BBS2: variants seen among roughly 807,000 people sequenced by gnomAD.
BBS2 encodes the protein Bardet-Biedl syndrome 2.
A neutral mutation model predicts 83.0 loss-of-function variants in BBS2; 62 were observed. The ratio of observed to expected loss-of-function variants is 0.75; its 90% CI spans 0.61 to 0.92. The LOEUF is 0.92. Ranked by LOEUF, BBS2 falls within the 40% of genes least tolerant of loss-of-function variation. The pLI, the probability that BBS2 is intolerant of heterozygous loss-of-function variation, is 0.00. For missense variants in BBS2, 784 were observed against 901.0 expected (o/e 0.87, Z 1.66); for synonymous variants, 303 against 326.1 (o/e 0.93, Z 0.76).
Position 56,502,488 on chromosome 16 carries a change from C to T in BBS2, c.941-32G>A, listed in dbSNP as rs576238339. ...AGAAGGAAAAAACCGCAAGTATAACCAGGTATACTTTTAGGTCATCAATTA... is the reference window on the plus strand; with the variant it reads ...AGAAGGAAAAAACCGCAAGTATAACTAGGTATACTTTTAGGTCATCAATTA... On this transcript the variant is annotated intron_variant, in intron 8 of 16. Coordinates refer to ENST00000245157, the MANE Select transcript of BBS2 (RefSeq NM_031885.5). The T allele has an allele frequency of 1.9e-6, 3 of 1,613,952 alleles. No homozygotes were observed. In the East Asian group the frequency reaches 6.7e-5, roughly 36 times the overall value.
chr16:56,497,719 A>T, intron 14 of BBS2, 24 bp downstream of exon 14: 3 of 1,612,392 alleles, frequency 1.9e-6, no homozygotes, highest in Non-Finnish European at 1.7e-6. Context: ...CATTCTCACA[A>T]ATGCATCTAC....
At chr16:56,507,122 A>G (rs1215813995) in intron 5 of BBS2, among the ~76,000 whole-genome samples, 4 of 152,214 alleles carry the variant, frequency 2.6e-5, no homozygotes, top group African/African-American at 9.6e-5. Flanking sequence ...TCTTCTGACA[A>G]TACTTCATAC....
chr16:56,499,719 A>G, intron 12 of BBS2, 59 bp downstream of exon 12: 2 of 1,608,468 alleles, frequency 1.2e-6, no homozygotes, highest in South Asian at 1.1e-5. Context: ...TTTCTATGAA[A>G]TAACATCTAA....
chr16:56,477,129 CAAAAAAAAAAAAGAA>C, intron 17 of BBS2: 1 of 140,012 alleles, frequency 7.1e-6, no homozygotes, highest in East Asian at 2.0e-4. Context: ...AACTCTGTCT[CAAAAAAAAAAAAGAA>C]GAAAAAAACA....
chr16:56,472,519 A>T (rs1963246486), intron 17 of BBS2, among the ~76,000 whole-genome samples: 1 of 152,258 alleles, frequency 6.6e-6, no homozygotes, highest in African/African-American at 2.4e-5. Context: ...TGGGCATATG[A>T]TAGCAGTGCT....
At chr16:56,479,922 G>T (rs991944190), downstream of BBS2, among the ~76,000 whole-genome samples, 2 of 152,212 alleles carry the variant, frequency 1.3e-5, no homozygotes, top group Non-Finnish European at 2.9e-5. Context: ...CATGCCTGTG[G>T]GTTGCAGCTT....
At chr16:56,493,177 A>G (rs935952333) in intron 15 of BBS2, among the ~76,000 whole-genome samples, 3 of 152,086 alleles carry the variant, frequency 2.0e-5, no homozygotes, top group Non-Finnish European at 4.4e-5. Flanking sequence ...AGTAGATCCC[A>G]TGAGTTCAAG....
At chr16:56,502,840 T>G (rs1288566438) in intron 7 of BBS2, 32 bp from the exon 8 acceptor site, 1 of 1,613,630 alleles carries the variant, frequency 6.2e-7, no homozygotes, top group Non-Finnish European at 8.5e-7. Context: ...AAAAGTTGCT[T>G]ATGCTACATG....
chr16:56,471,257 G>A (rs1486445072), intron 17 of BBS2, among the ~76,000 whole-genome samples: 1 of 151,804 alleles, frequency 6.6e-6, no homozygotes, highest in Non-Finnish European at 1.5e-5. Flanking sequence ...AGCTACTCAG[G>A]AGGCTGAGGT....
Position 56,506,001 on chromosome 16 carries a change from G to T in BBS2, c.753C>A (p.Asp251Glu). 1 of 1,613,938 alleles carries T rather than the reference G, an allele frequency of 6.2e-7. No individual in the cohort carries two copies. Among genetic ancestry groups the T allele is most frequent in the Non-Finnish European group, 8.5e-7 (1 of 1,179,906 alleles). Reference protein sequence around the residue: ...KNHAMSIHAFDLNSDGVNELI... With the variant: ...KNHAMSIHAFELNSDGVNELI... The stretch of plus-strand genomic sequence containing the variant: ...GTTCATTCACTCCATCAGAATTAAG[G>T]TCAAAAGCATGAATGCTCATGGCAT... The change falls in exon 7 of 17, where the codon GAC becomes GAA. Residue 251 changes from aspartate (D) to glutamate (E), a missense_variant. Asp to Glu is a conservative substitution (Grantham distance 45, BLOSUM62 2). Coordinates refer to ENST00000245157, the MANE Select transcript of BBS2 (RefSeq NM_031885.5).
Position 56,502,386 on chromosome 16 carries a change from C to A in BBS2, c.1011G>T (p.Leu337=), listed in dbSNP as rs767239768. Residue 337 remains leucine, a synonymous_variant, in exon 9 of 17, where the codon CTG becomes CTT. Transcript: ENST00000245157. ...GCTTCTTCTGACTCAGCTCTCGGATCAGGTCCTGCTCTGCACTGGTGTCCA... is the reference window on the plus strand; with the variant it reads ...GCTTCTTCTGACTCAGCTCTCGGATAAGGTCCTGCTCTGCACTGGTGTCCA... ...NLMDTSAEQD[L]IRELSQKKQN... 1 of 1,614,102 alleles carries A rather than the reference C, an allele frequency of 6.2e-7. No individual in the cohort carries two copies. The highest frequency in any genetic ancestry group is 8.5e-7 in the Non-Finnish European group (1 of 1,180,052).
Position 56,498,301 on chromosome 16 carries a change from T to C in BBS2, c.1659+136A>G, listed in dbSNP as rs554561028. 2.3e-5 allele frequency: 27 copies of C among 1,159,560 alleles called. No homozygotes were observed. The South Asian group carries it at 2.7e-4, about 12-fold the overall frequency. The allele number at this position is 1,159,560 out of a possible 1,614,324, so 71.8% of individuals were successfully genotyped here. On this transcript the variant is annotated intron_variant, in intron 13 of 16. Coordinates refer to ENST00000245157, the MANE Select transcript of BBS2 (RefSeq NM_031885.5). ...AAAACGTGGTTTTATGACCTTGACA[T>C]TGATGTCCCCCACCTCACTTTGGAC...
chr16:56,498,778 C>T, intron 12 of BBS2: 1 of 1,361,252 alleles, frequency 7.3e-7, no homozygotes, highest in Non-Finnish European at 9.8e-7. Context: ...TCCCTTTTCT[C>T]ACCTCACCTA....
rs967941621 is a variant in BBS2 at position 56,496,968 on chromosome 16, T to C, written c.1909A>G (p.Met637Val). The change falls in exon 15 of 17, where the codon ATG (methionine) becomes GTG (valine). Residue 637 changes from methionine to valine, a missense_variant and splice_region_variant. Met to Val is a conservative substitution (Grantham distance 21). Transcript: ENST00000245157. ...GAEDARLMRD[M>V]KTMKSRYMEL... ...GTACTAACCATGACAAATACTCACA[T>C]GTCCCTCATCAGACGAGCATCCTCA... The C allele has an allele frequency of 2.5e-6, 4 of 1,610,184 alleles. No individual in the cohort carries two copies. The African/African-American group carries it at 5.3e-5, about 21-fold the overall frequency.
At chr16:56,492,156 C>T (rs189359494) in intron 15 of BBS2, among the ~76,000 whole-genome samples, 163 of 152,164 alleles carry the variant, frequency 1.1e-3, no homozygotes, top group Non-Finnish European at 1.5e-3. Flanking sequence ...AATCTCACTT[C>T]CGGGTATTTA....
intron 12 of BBS2, chr16:56,499,577 A>C: frequency 3.4e-6 from 2 of 589,308 alleles, no homozygotes. Context: ...AGGATTGCTC[A>C]GATGCTTTTT....
intron 15 of BBS2, 42 bp downstream of exon 15, chr16:56,496,925 A>G (rs1567571840): frequency 7.1e-7 from 1 of 1,413,180 alleles, no homozygotes; most frequent in Non-Finnish European, 1.0e-6. Flanking sequence ...TACTGCTCAC[A>G]TTTTTAACCC....
intron 5 of BBS2, among the ~76,000 whole-genome samples, chr16:56,508,544 T>A (rs1334162733): frequency 1.3e-5 from 2 of 152,160 alleles, no homozygotes; most frequent in Non-Finnish European, 2.9e-5. Flanking sequence ...CAAATAAATA[T>A]CCTAAGAATG....
chr16:56,497,215 C>T (rs1044848124), intron 14 of BBS2, 136 bp from the exon 15 acceptor site: 1 of 717,044 alleles, frequency 1.4e-6, no homozygotes, highest in Non-Finnish European at 2.6e-6. Flanking sequence ...AGCTACTTCC[C>T]GTTATTTCAT....
Sources: gnomAD v4.1 joint callset for allele counts (sites outside exome capture counted in the v4.1 genomes callset) on GRCh38, gnomAD v4.1.1 for gene constraint, MANE v1.5 for transcripts, NCBI Gene and HGNC (gene_info 2026-07-23, HGNC 2026-07-21) for gene names.